EMB: variants seen among roughly 807,000 people sequenced by gnomAD.
The protein encoded by EMB is embigin.
A neutral mutation model predicts 41.4 loss-of-function variants in EMB; 31 were observed. That is an observed-to-expected ratio of 0.75 (90% CI 0.56 to 1.01). EMB has a LOEUF of 1.01. Among genes scored for constraint, EMB ranks in the 50% least tolerant of loss-of-function variants. The pLI is 0.00. For missense variants in EMB, 379 were observed against 388.3 expected (o/e 0.98, Z 0.20); for synonymous variants, 137 against 140.4 (o/e 0.98, Z 0.17).
intron 2 of EMB, among the ~76,000 whole-genome samples, chr5:50,422,010 C>A (rs189185742): frequency 2.6e-5 from 4 of 151,398 alleles, no homozygotes; most frequent in South Asian, 2.1e-4. Flanking sequence ...CAAATCTGCA[C>A]GTTGTGCACA....
intron 4 of EMB, among the ~76,000 whole-genome samples, chr5:50,409,136 C>G (rs1213066728): frequency 6.6e-6 from 1 of 152,094 alleles, no homozygotes; most frequent in Non-Finnish European, 1.5e-5. Context: ...GCGCTGCTGA[C>G]ACCAGCCAAA....
intron 2 of EMB, chr5:50,411,910 T>A (rs1244853039): frequency 2.0e-5 from 3 of 152,162 alleles, no homozygotes; most frequent in African/African-American, 7.2e-5. Flanking sequence ...AAGGACTGGA[T>A]ATAGACATAG....
intron 1 of EMB, among the ~76,000 whole-genome samples, chr5:50,436,653 C>T (rs1745807977): frequency 6.6e-6 from 1 of 152,220 alleles, no homozygotes; most frequent in Admixed American, 6.5e-5. Flanking sequence ...GCAGGAGCAA[C>T]CATTCACTGT....
rs533276664 is a variant in EMB at position 50,439,520 on chromosome 5, C to A, written c.112+1520G>T. Among the ~76,000 whole-genome samples, 4 of 149,544 alleles carry A rather than the reference C, an allele frequency of 2.7e-5. No individual in the cohort carries two copies. The Admixed American group carries it at 2.7e-4, about 10-fold the overall frequency. On this transcript the variant is annotated intron_variant, in intron 1 of 8. Transcript: ENST00000303221. ...TTTTTTTTTTTTAATAAAGAAGGGA[C>A]CTTGCTATGTTGCCCGGGGTGGTCT...
At chr5:50,432,913 C>T (rs1249070333) in intron 1 of EMB, among the ~76,000 whole-genome samples, 2 of 151,922 alleles carry the variant, frequency 1.3e-5, no homozygotes, top group Non-Finnish European at 2.9e-5. Context: ...CCCGTCTCTA[C>T]TAAAAATACA....
At chr5:50,441,707 C>G (rs1384913255), upstream of EMB, among the ~76,000 whole-genome samples, 1 of 152,166 alleles carries the variant, frequency 6.6e-6, no homozygotes, top group Non-Finnish European at 1.5e-5. Flanking sequence ...GTTAATCTTT[C>G]TTTGCTTTGC....
At chr5:50,432,673 G>A (rs1458441766) in intron 1 of EMB, among the ~76,000 whole-genome samples, 1 of 137,594 alleles carries the variant, frequency 7.3e-6, no homozygotes, top group Non-Finnish European at 1.5e-5. Context: ...GCAGAAAGAG[G>A]AAAAAGGAAA....
chr5:50,411,055 G>A, intron 3 of EMB, 90 bp from the exon 4 acceptor site: 5 of 1,218,102 alleles, frequency 4.1e-6, no homozygotes, highest in Non-Finnish European at 5.6e-6. Flanking sequence ...AATTTAAAAA[G>A]AGAAATAATT....
chr5:50,406,476 A>G (rs1022780295), intron 4 of EMB, among the ~76,000 whole-genome samples: 1 of 151,890 alleles, frequency 6.6e-6, no homozygotes, highest in Non-Finnish European at 1.5e-5. Context: ...AGTTTGAAGT[A>G]GATTCCATTA....
intron 7 of EMB, among the ~76,000 whole-genome samples, chr5:50,401,258 A>C (rs1297461116): frequency 6.6e-6 from 1 of 151,986 alleles, no homozygotes; most frequent in Non-Finnish European, 1.5e-5. Flanking sequence ...AGCTCATATC[A>C]TATTGGTTTA....
chr5:50,414,990 C>A (rs530891165), intron 2 of EMB, among the ~76,000 whole-genome samples: 6 of 152,262 alleles, frequency 3.9e-5, no homozygotes, highest in African/African-American at 1.4e-4. Context: ...AAATTAGAAC[C>A]TCCACTGAAG....
At chr5:50,416,064 CTG>C (rs888608602) in intron 2 of EMB, among the ~76,000 whole-genome samples, 2 of 152,188 alleles carry the variant, frequency 1.3e-5, no homozygotes, top group African/African-American at 4.8e-5. Flanking sequence ...CTGCAGTTTG[CTG>C]TGCTTCTGCA....
intron 5 of EMB, among the ~76,000 whole-genome samples, chr5:50,404,477 T>C (rs1745217200): frequency 6.6e-6 from 1 of 151,926 alleles, no homozygotes; most frequent in Non-Finnish European, 1.5e-5. Flanking sequence ...TCCCCAAACT[T>C]TTCTCACATC....
upstream of EMB, chr5:50,442,880 A>T (rs1745937151): frequency 6.6e-6 from 1 of 152,170 alleles, no homozygotes; most frequent in Non-Finnish European, 1.5e-5. Flanking sequence ...CCTTAGACAC[A>T]AATTCACCCT....
chr5:50,432,546 T>G (rs1355205070), intron 1 of EMB, among the ~76,000 whole-genome samples: 2 of 151,618 alleles, frequency 1.3e-5, no homozygotes, highest in Admixed American at 1.3e-4. Flanking sequence ...AGCCATGATA[T>G]GGTTAAAACT....
intron 2 of EMB, among the ~76,000 whole-genome samples, chr5:50,416,442 C>A (rs1745432978): frequency 6.6e-6 from 1 of 152,118 alleles, no homozygotes; most frequent in Admixed American, 6.6e-5. Context: ...TTTAGATTTT[C>A]TTGGGTCTAT....
rs1745822679 is a variant in EMB, at chr5:50,437,412, T to C, written c.112+3628A>G. Among the ~76,000 whole-genome samples the C allele has an allele frequency of 2.6e-5, 4 of 152,328 alleles. No individual in the cohort carries two copies. In the South Asian group the frequency reaches 8.3e-4, roughly 32 times the overall value. ...TTCTCCACCATAAAGTTACTCTTTT[T>C]CCCTTGATATTAATGAGCACATTCT... On this transcript the variant is annotated intron_variant, in intron 1 of 8. Transcript: ENST00000303221.
At chr5:50,429,943 T>C (rs1745684917) in intron 1 of EMB, among the ~76,000 whole-genome samples, 1 of 147,256 alleles carries the variant, frequency 6.8e-6, no homozygotes, top group South Asian at 2.2e-4. Context: ...CTCTTCCTCT[T>C]CCCTCTCACC....
chr5:50,403,160 A>T lies in EMB; in HGVS notation c.877+18T>A. 1 of 1,555,144 alleles carries T rather than the reference A, an allele frequency of 6.4e-7. No homozygotes were observed. The highest frequency in any genetic ancestry group is 8.6e-7 in the Non-Finnish European group (1 of 1,156,138). Reference sequence around the variant, plus strand: ...ATACTTTCTAAAAAAAACAAAAAACAAAAAAAAGAAATCCCACCTGAGTGC... The same window carrying T: ...ATACTTTCTAAAAAAAACAAAAAACTAAAAAAAGAAATCCCACCTGAGTGC... On this transcript the variant is annotated intron_variant, in intron 6 of 8. Transcript: ENST00000303221.
Sources: gnomAD v4.1 joint callset for allele counts (sites outside exome capture counted in the v4.1 genomes callset) on GRCh38, gnomAD v4.1.1 for gene constraint, MANE v1.5 for transcripts, NCBI Gene and HGNC (gene_info 2026-07-23, HGNC 2026-07-21) for gene names.